TENT4A: variants seen among roughly 807,000 people sequenced by gnomAD.
The protein encoded by TENT4A is terminal nucleotidyltransferase 4A.
A neutral mutation model predicts 72.8 loss-of-function variants in TENT4A; 7 were observed. That is an observed-to-expected ratio of 0.10 (90% CI 0.05 to 0.18). The LOEUF (loss-of-function observed/expected upper bound fraction) is 0.18, where lower values mean the gene tolerates loss of function less well. Ranked by LOEUF, TENT4A falls within the 10% of genes least tolerant of loss-of-function variation. The pLI is 1.00. For missense variants in TENT4A, 831 were observed against 1,017.7 expected, an observed-to-expected ratio of 0.82 and a Z score of 2.50; for synonymous variants, 456 against 434.3, an observed-to-expected ratio of 1.05 and a Z score of -0.62.
In TENT4A at chr5:6,742,459, T is replaced by TA. The variant is rs776671319; in HGVS notation, c.1009-28dup. On this transcript the variant is annotated intron_variant, in intron 4 of 12. Transcript: ENST00000230859. Reference sequence around the variant, plus strand: ...CCTGGCTGTGGAGAGTCCTGCATGTTAAAGCAGTTTTTAAAATGAAATCTT... The same window carrying TA: ...CCTGGCTGTGGAGAGTCCTGCATGTTAAAAGCAGTTTTTAAAATGAAATCTT... The TA allele has an allele frequency of 2.8e-6, 4 of 1,413,936 alleles. No homozygotes were observed. The East Asian group carries it at 6.8e-5, about 24-fold the overall frequency. The allele number at this position is 1,413,936 out of a possible 1,614,324, so 87.6% of individuals were successfully genotyped here.
rs562564089 is a variant in TENT4A at position 6,756,012 on chromosome 5, T to C, written c.*1067T>C. 1 of 152,316 alleles carries C rather than the reference T, an allele frequency of 6.6e-6. No individual in the cohort carries two copies. Among genetic ancestry groups the C allele is most frequent in the Non-Finnish European group, 1.5e-5 (1 of 68,048 alleles). 9.4% of individuals were successfully genotyped at this position (152,316 alleles called of 1,614,324 possible). ...TTTAGGAATGTGGAGAAAGGAATTC[T>C]GTTGATTCCGTTGAGGAATCTGTAG... On this transcript the variant is annotated 3_prime_UTR_variant, in exon 13 of 13. Coordinates refer to ENST00000230859, the MANE Select transcript of TENT4A (RefSeq NM_006999.6).
At position 6,754,927 on chromosome 5, in the gene TENT4A, C is replaced by G. The variant is rs148807922; in HGVS notation, c.2361C>G (p.Pro787=). ...KKHTHTRDSL[P]VSLSR ...ACACACACACACGGGACAGTCTGCCCGTGAGCCTCAGCAGATAATGGCTCC... is the reference window on the plus strand; with the variant it reads ...ACACACACACACGGGACAGTCTGCCGGTGAGCCTCAGCAGATAATGGCTCC... The change falls in exon 13 of 13, where the codon CCC becomes CCG. Residue 787 remains proline (P), a synonymous_variant. Coordinates refer to ENST00000230859, the MANE Select transcript of TENT4A (RefSeq NM_006999.6). 6.3e-7 allele frequency: 1 copy of G among 1,583,158 alleles called. No homozygotes were observed. The highest frequency in any genetic ancestry group is 1.3e-5 in the African/African-American group (1 of 74,432).
intron 12 of TENT4A, 45 bp downstream of exon 12, chr5:6,753,082 A>C (rs1742504566): frequency 6.6e-7 from 1 of 1,523,604 alleles, no homozygotes; most frequent in Non-Finnish European, 9.0e-7. Context: ...TCAAGCTGCC[A>C]TGTGAGAGGC....
intron 1 of TENT4A, among the ~76,000 whole-genome samples, chr5:6,732,603 T>C (rs939090142): frequency 6.6e-6 from 1 of 152,220 alleles, no homozygotes; most frequent in Non-Finnish European, 1.5e-5. Context: ...TGCAAGGCAG[T>C]GATTGTAAAC....
At chr5:6,733,043 T>C (rs1366127704) in intron 1 of TENT4A, among the ~76,000 whole-genome samples, 1 of 152,258 alleles carries the variant, frequency 6.6e-6, no homozygotes, top group Non-Finnish European at 1.5e-5. Context: ...TTCCTGGCGT[T>C]GTGTCCTTTG....
At chr5:6,745,913 T>G (rs1742069810) in intron 6 of TENT4A, 1 of 669,852 alleles carries the variant, frequency 1.5e-6, no homozygotes, top group Non-Finnish European at 2.1e-6. Context: ...CAGAATATAG[T>G]CCAACTTATT....
At chr5:6,735,350 G>A (rs1326616386) in intron 1 of TENT4A, among the ~76,000 whole-genome samples, 3 of 152,226 alleles carry the variant, frequency 2.0e-5, no homozygotes, top group African/African-American at 7.2e-5. Flanking sequence ...AGACTTGCCA[G>A]TGCTGTTCTC....
chr5:6,734,815 G>T (rs908831639), intron 1 of TENT4A, among the ~76,000 whole-genome samples: 1 of 152,168 alleles, frequency 6.6e-6, no homozygotes, highest in Non-Finnish European at 1.5e-5. Flanking sequence ...CTGATTTAGG[G>T]GAGGAATACC....
intron 1 of TENT4A, among the ~76,000 whole-genome samples, chr5:6,728,963 C>T (rs934644845): frequency 1.1e-4 from 17 of 152,200 alleles, no homozygotes; most frequent in African/African-American, 3.6e-4. Flanking sequence ...TGTATCATTT[C>T]GTATTTTAAA....
At chr5:6,743,310 T>C (rs274673) in intron 5 of TENT4A, among the ~76,000 whole-genome samples, 135,317 of 152,198 alleles carry the variant, frequency 0.89, 61,416 homozygotes, top group East Asian at 1. Flanking sequence ...CCCTCCCTCC[T>C]GCCATCTCCT....
At chr5:6,725,703 G>T (rs1740883786) in intron 1 of TENT4A, among the ~76,000 whole-genome samples, 1 of 152,156 alleles carries the variant, frequency 6.6e-6, no homozygotes, top group Non-Finnish European at 1.5e-5. Flanking sequence ...AAAGCAGAAA[G>T]CTCTAAAGTC....
At position 6,754,761 on chromosome 5, in the gene TENT4A, G is replaced by C; in HGVS notation, c.2195G>C (p.Gly732Ala). 6.3e-7 allele frequency: 1 copy of C among 1,579,476 alleles called. No individual in the cohort carries two copies. Among genetic ancestry groups the C allele is most frequent in the Admixed American group, 1.7e-5 (1 of 58,574 alleles). ...TCTCTCTTTCTCCAGCAGCACAACG[G>C]CATGAAACTGTCCATGAAGGGCTCT... ...SPHLYHKQHN[G>A]MKLSMKGSHG... The change falls in exon 13 of 13, where the codon GGC (glycine) becomes GCC (alanine). Residue 732 changes from glycine to alanine, a missense_variant. Gly to Ala is a moderately conservative substitution (Grantham distance 60). Transcript: ENST00000230859.
At chr5:6,722,576 C>G (rs1241578736) in intron 1 of TENT4A, among the ~76,000 whole-genome samples, 1 of 66,786 alleles carries the variant, frequency 1.5e-5, no homozygotes, top group Non-Finnish European at 2.9e-5. Flanking sequence ...TTTAACTGTT[C>G]TGAAGGTACA....
chr5:6,723,568 C>T (rs73033383), intron 1 of TENT4A, among the ~76,000 whole-genome samples: 2,979 of 152,310 alleles, frequency 0.02, 68 homozygotes, highest in African/African-American at 0.057. Flanking sequence ...TGTGAATTCA[C>T]GGCTGACATC....
At chr5:6,742,799 G>T (rs1741879162) in intron 5 of TENT4A, among the ~76,000 whole-genome samples, 1 of 152,184 alleles carries the variant, frequency 6.6e-6, no homozygotes, top group Non-Finnish European at 1.5e-5. Flanking sequence ...CTTTTCCTGA[G>T]TAACCATTTT....
intron 1 of TENT4A, among the ~76,000 whole-genome samples, chr5:6,722,787 T>C (rs181309253): frequency 3.4e-4 from 52 of 152,276 alleles, no homozygotes; most frequent in African/African-American, 1.2e-3. Context: ...TAGTGTTCTG[T>C]GTATAGTGAA....
At chr5:6,715,842 C>T (rs1400717230) in intron 1 of TENT4A, among the ~76,000 whole-genome samples, 1 of 152,194 alleles carries the variant, frequency 6.6e-6, no homozygotes, top group Non-Finnish European at 1.5e-5. Context: ...TTCTAAATTT[C>T]CCGAAGTGTA....
At position 6,723,633 on chromosome 5, in the gene TENT4A, G is replaced by A. The variant is rs141439902; in HGVS notation, c.716+8934G>A. 2.3e-3 allele frequency among the ~76,000 whole-genome samples: 347 copies of A among 152,318 alleles called. 3 individuals are homozygous for A. Among genetic ancestry groups the A allele is most frequent in the Admixed American group, 6.4e-3 (98 of 15,300 alleles). On this transcript the variant is annotated intron_variant, in intron 1 of 12. Transcript: ENST00000230859. Reference sequence around the variant, plus strand: ...GAACAAGACGTCGCTAACATGCGGGGGATGGAACCTAGCAACTCATTCTAC... The same window carrying A: ...GAACAAGACGTCGCTAACATGCGGGAGATGGAACCTAGCAACTCATTCTAC...
chr5:6,730,598 C>G (rs1741164075), intron 1 of TENT4A, among the ~76,000 whole-genome samples: 1 of 152,144 alleles, frequency 6.6e-6, no homozygotes, highest in African/African-American at 2.4e-5. Flanking sequence ...GCTTCATTCA[C>G]AGCCCCTGTG....
Sources: gnomAD v4.1 joint callset for allele counts (sites outside exome capture counted in the v4.1 genomes callset) on GRCh38, gnomAD v4.1.1 for gene constraint, MANE v1.5 for transcripts, NCBI Gene and HGNC (gene_info 2026-07-23, HGNC 2026-07-21) for gene names.